SNX29: variants seen among roughly 807,000 people sequenced by gnomAD.
SNX29 encodes the protein sorting nexin 29, also known as sorting nexin-29.
In SNX29, 78 loss-of-function variants were observed where a neutral mutation model predicts 102.1. The observed-to-expected ratio is 0.76, with a 90% CI of 0.64 to 0.92. SNX29 has a LOEUF of 0.92. SNX29 is among the 40% of genes least tolerant of loss of function. The pLI is 0.00. For missense variants in SNX29, 1,280 were observed against 1,061.7 expected, an observed-to-expected ratio of 1.21 and a Z score of -2.86; for synonymous variants, 580 against 414.5, an observed-to-expected ratio of 1.40 and a Z score of -4.85.
At position 12,519,822 on chromosome 16, in the gene SNX29, A is replaced by G. The variant is rs2090024613; in HGVS notation, c.2179-4880A>G. Among the ~76,000 whole-genome samples, 3 of 152,090 alleles carry G rather than the reference A, an allele frequency of 2.0e-5. No homozygotes were observed. In the South Asian group the frequency reaches 6.2e-4, roughly 31 times the overall value. On this transcript the variant is annotated intron_variant, in intron 19 of 20. Transcript: ENST00000566228. ...CAGGAGTTCGAGACCAGCCTGGCCA[A>G]CATGGCGAAACCCTGTCTCTGTTAA...
chr16:12,571,095 C>T lies in SNX29; in HGVS notation c.*2466C>T, dbSNP rs920315975. 5.7e-4 allele frequency: 133 copies of T among 232,564 alleles called. 1 individual carries two copies. Among genetic ancestry groups the T allele is most frequent in the South Asian group, 1.8e-4 (1 of 5,530 alleles). The allele number at this position is 232,564 out of a possible 1,614,324, so 14.4% of individuals were successfully genotyped here. On this transcript the variant is annotated 3_prime_UTR_variant, in exon 21 of 21. Coordinates refer to ENST00000566228, the MANE Select transcript of SNX29 (RefSeq NM_032167.5). ...GCACATGACAGCAACTCCCCGAAGC[C>T]TTCCCTTTGGAATCCCATAGAATGT...
chr16:12,085,594 T>C (rs367799842), intron 11 of SNX29, among the ~76,000 whole-genome samples: 2 of 152,308 alleles, frequency 1.3e-5, no homozygotes, highest in African/African-American at 4.8e-5. Flanking sequence ...CCCAAAGTGG[T>C]GGGATTATAG....
At chr16:12,519,035 A>G (rs538899098) in intron 19 of SNX29, among the ~76,000 whole-genome samples, 1 of 152,170 alleles carries the variant, frequency 6.6e-6, no homozygotes, top group Admixed American at 6.5e-5. Flanking sequence ...GACGGGGAGC[A>G]GGCTGTCCTG....
intron 14 of SNX29, among the ~76,000 whole-genome samples, chr16:12,206,162 T>A (rs1033528293): frequency 6.6e-6 from 1 of 152,214 alleles, no homozygotes; most frequent in South Asian, 2.1e-4. Context: ...GCCCTGGTTG[T>A]GTCATTCAGA....
intron 17 of SNX29, among the ~76,000 whole-genome samples, chr16:12,400,548 C>A (rs1452981239): frequency 6.6e-6 from 1 of 152,208 alleles, no homozygotes; most frequent in Non-Finnish European, 1.5e-5. Context: ...TTGGCCAACT[C>A]TAAATATCCC....
intron 13 of SNX29, chr16:12,135,687 T>C (rs991650487): frequency 3.5e-6 from 4 of 1,152,630 alleles, no homozygotes; most frequent in South Asian, 1.3e-5. Context: ...AAGCTGTGTT[T>C]CCTCTGGACT....
At chr16:12,070,604 T>A (rs1270461576) in intron 10 of SNX29, among the ~76,000 whole-genome samples, 4 of 151,792 alleles carry the variant, frequency 2.6e-5, no homozygotes, top group African/African-American at 2.4e-5. Context: ...TGGTTCCAAG[T>A]CTTTGCTATT....
chr16:12,279,746 C>T (rs16959113), intron 15 of SNX29, among the ~76,000 whole-genome samples: 1 of 152,166 alleles, frequency 6.6e-6, no homozygotes, highest in Non-Finnish European at 1.5e-5. Flanking sequence ...GTAGGTGCTG[C>T]GTAACCCTTG....
intron 15 of SNX29, among the ~76,000 whole-genome samples, chr16:12,335,677 G>A (rs976785247): frequency 3.9e-5 from 6 of 152,172 alleles, no homozygotes; most frequent in African/African-American, 1.2e-4. Context: ...CCGTGTCAGC[G>A]TTGGGGGTTT....
chr16:12,572,805 G>C lies in SNX29; in HGVS notation c.*4176G>C, dbSNP rs1004952846. The C allele has an allele frequency of 2.3e-5, 24 of 1,063,294 alleles. No individual in the cohort carries two copies. The Admixed American group carries it at 3.8e-4, about 17-fold the overall frequency. The allele number at this position is 1,063,294 out of a possible 1,614,324, so 65.9% of individuals were successfully genotyped here. A position where few individuals can be genotyped will look rare whatever the true frequency, so the allele number is the denominator to read the frequency against. Reference sequence around the variant, plus strand: ...TCACTCCTCCTTCCCCAGTACATCAGACTGGTTAGGAGGCATCCCAGAAGG... The same window carrying C: ...TCACTCCTCCTTCCCCAGTACATCACACTGGTTAGGAGGCATCCCAGAAGG... On this transcript the variant is annotated 3_prime_UTR_variant, in exon 21 of 21. Transcript: ENST00000566228.
intron 20 of SNX29, among the ~76,000 whole-genome samples, chr16:12,554,774 GC>G (rs1567188544): frequency 6.8e-6 from 1 of 148,032 alleles, no homozygotes; most frequent in African/African-American, 2.7e-5. Context: ...TCTCTCCCCC[GC>G]CATAGAATGC....
intron 8 of SNX29, among the ~76,000 whole-genome samples, chr16:12,058,362 T>G (rs1398291873): frequency 6.6e-6 from 1 of 152,082 alleles, no homozygotes; most frequent in Non-Finnish European, 1.5e-5. Context: ...GAGCAACAGT[T>G]GTAATAATGA....
intron 12 of SNX29, among the ~76,000 whole-genome samples, chr16:12,128,674 A>C (rs1420835605): frequency 2.0e-5 from 3 of 151,988 alleles, no homozygotes; most frequent in Non-Finnish European, 2.9e-5. Context: ...GCTGGTCTCA[A>C]ACTCCTGACC....
intron 19 of SNX29, among the ~76,000 whole-genome samples, chr16:12,516,868 C>T (rs1236834689): frequency 2.6e-5 from 4 of 152,112 alleles, no homozygotes; most frequent in South Asian, 2.1e-4. Context: ...ATACAGGGGG[C>T]GGGGCCTGAG....
chr16:12,477,626 C>G (rs1438537225), intron 18 of SNX29, 93 bp from the exon 19 acceptor site: 1 of 1,448,794 alleles, frequency 6.9e-7, no homozygotes. Flanking sequence ...GTGACTCTTG[C>G]TGCAGTTGGT....
chr16:12,377,635 A>C (rs2082926118), intron 16 of SNX29, among the ~76,000 whole-genome samples: 1 of 152,180 alleles, frequency 6.6e-6, no homozygotes, highest in Non-Finnish European at 1.5e-5. Context: ...CCCGGTACGT[A>C]GTAGGCAATC....
chr16:12,339,596 G>C (rs1266080662), intron 15 of SNX29, among the ~76,000 whole-genome samples: 2 of 152,176 alleles, frequency 1.3e-5, no homozygotes, highest in South Asian at 2.1e-4. Flanking sequence ...CCAGAGGTCA[G>C]ATGAGCAAAT....
rs769898605 is a variant in SNX29 at position 12,096,534 on chromosome 16, C to G, written c.1402+17619C>G. On this transcript the variant is annotated intron_variant, in intron 11 of 20. Coordinates refer to ENST00000566228, the MANE Select transcript of SNX29 (RefSeq NM_032167.5). This position sits in a 1 kb window ranked among gnomAD's most constrained non-coding sequence, Gnocchi z 4.2. ...ACAGAGAGTGCTTTGACATTGCGCT[C>G]AGCACTCAGGAGATGTTAGCTCTTC... Among the ~76,000 whole-genome samples, 1 of 152,196 alleles carries G rather than the reference C, an allele frequency of 6.6e-6. No homozygotes were observed. The highest frequency in any genetic ancestry group is 1.5e-5 in the Non-Finnish European group (1 of 68,034).
At chr16:12,513,851 C>T in intron 19 of SNX29, among the ~76,000 whole-genome samples, 1 of 152,208 alleles carries the variant, frequency 6.6e-6, no homozygotes, top group East Asian at 1.9e-4. Context: ...GCCACCATGC[C>T]CGACTATTTG....
Sources: gnomAD v4.1 joint callset for allele counts (sites outside exome capture counted in the v4.1 genomes callset) on GRCh38, gnomAD v4.1.1 for gene constraint, Gnocchi (gnomAD v3.1) non-coding constraint, MANE v1.5 for transcripts, NCBI Gene and HGNC (gene_info 2026-07-23, HGNC 2026-07-21) for gene names.